The following ANO3 variants were observed in gnomAD, a reference collection of about 807,000 sequenced individuals.
The protein encoded by ANO3 is anoctamin 3.
Under a neutral mutation model 144.8 loss-of-function variants are expected in ANO3, and 99 were observed. That is an observed-to-expected ratio of 0.68 (90% CI 0.58 to 0.81). The LOEUF (loss-of-function observed/expected upper bound fraction) is 0.81. Ranked by LOEUF, ANO3 falls within the 30% of genes least tolerant of loss-of-function variation. The pLI is 0.00. For missense variants in ANO3, 905 were observed against 1,202.2 expected (o/e 0.75, Z 3.66); for synonymous variants, 414 against 392.6 (o/e 1.05, Z -0.64).
intron 12 of ANO3, among the ~76,000 whole-genome samples, chr11:26,550,831 T>C (rs1424679882): frequency 2.0e-5 from 3 of 151,920 alleles, no homozygotes; most frequent in Non-Finnish European, 4.4e-5. Context: ...TTTTTGATTT[T>C]TTGAGAAACC....
At chr11:26,383,485 A>T (rs1466187203) in intron 1 of ANO3, among the ~76,000 whole-genome samples, 1 of 133,262 alleles carries the variant, frequency 7.5e-6, no homozygotes, top group Non-Finnish European at 1.7e-5. Flanking sequence ...CTAATAATTA[A>T]ACTCACAGTA....
At chr11:26,440,334 T>C (rs560893906) in intron 1 of ANO3, among the ~76,000 whole-genome samples, 6 of 152,260 alleles carry the variant, frequency 3.9e-5, no homozygotes, top group South Asian at 2.1e-4. Flanking sequence ...TCATGTGTCA[T>C]AGAGCTTGCA....
intron 1 of ANO3, among the ~76,000 whole-genome samples, chr11:26,407,623 A>AT (rs2133981887): frequency 6.6e-6 from 1 of 151,972 alleles, no homozygotes; most frequent in Non-Finnish European, 1.5e-5. Context: ...TTTTACTCAT[A>AT]TCCTTTACAT....
At chr11:26,451,449 G>A (rs940548800) in intron 3 of ANO3, among the ~76,000 whole-genome samples, 19 of 152,312 alleles carry the variant, frequency 1.2e-4, no homozygotes, top group South Asian at 6.2e-4. Context: ...CACCTGGCTC[G>A]GAGGGTCCTA....
chr11:26,276,203 T>A (rs924225297), intron 1 of ANO3, among the ~76,000 whole-genome samples: 1 of 152,152 alleles, frequency 6.6e-6, no homozygotes, highest in Non-Finnish European at 1.5e-5. Context: ...AAAGATACCA[T>A]ACTTATTTGT....
In ANO3 at chr11:26,508,167, T is replaced by A; in HGVS notation, c.496T>A (p.Tyr166Asn). 1 of 1,602,632 alleles carries A rather than the reference T, an allele frequency of 6.2e-7. No individual in the cohort carries two copies. Among genetic ancestry groups the A allele is most frequent in the Non-Finnish European group, 8.5e-7 (1 of 1,176,636 alleles). ...LFKDGKKRID[Y>N]ILVYRKTNIQ... is the part of the protein sequence containing the mutation. ...CAAAGATGGCAAAAAGAGAATTGAT[T>A]ACATCTTGGTTTATAGAAAGACAAA... is the stretch of plus-strand genomic sequence containing the variant. The change falls in exon 5 of 27, where the codon TAC becomes AAC. Residue 166 changes from tyrosine to asparagine, a missense_variant. By Grantham distance (143) the Tyr-to-Asn change is moderately radical (BLOSUM62 -2). Around this residue, in one of 4 missense-constraint regions of ANO3, gnomAD observed 63 missense variants for 107.3 expected, o/e 0.59. Transcript: ENST00000256737.
intron 1 of ANO3, among the ~76,000 whole-genome samples, chr11:26,407,570 CTCCTATAGATTACTGAAGCA>C: frequency 6.6e-6 from 1 of 151,854 alleles, no homozygotes; most frequent in South Asian, 2.1e-4. Flanking sequence ...ATCATCTGCC[CTCCTATAGATTACTGAAGCA>C]TCCTATTTAT....
upstream of ANO3, among the ~76,000 whole-genome samples, chr11:26,306,016 T>C (rs1854371959): frequency 6.6e-6 from 1 of 152,066 alleles, no homozygotes. Flanking sequence ...TGGAGTGCAG[T>C]GGCGCGATCT....
intron 14 of ANO3, among the ~76,000 whole-genome samples, chr11:26,591,868 T>G (rs1326713673): frequency 2.0e-5 from 3 of 151,992 alleles, no homozygotes; most frequent in Non-Finnish European, 4.4e-5. Context: ...AGGGTTTGAC[T>G]TGAGCGTGAT....
chr11:26,594,250 G>T (rs936104528), intron 14 of ANO3, among the ~76,000 whole-genome samples: 2 of 152,062 alleles, frequency 1.3e-5, no homozygotes, highest in East Asian at 1.9e-4. Context: ...CCCAATGAGG[G>T]TCTACACTGG....
In ANO3 at chr11:26,221,902, G is replaced by A. The variant is rs942705864; in HGVS notation, c.154+32572G>A. Among the ~76,000 whole-genome samples, 8 of 152,118 alleles carry A rather than the reference G, an allele frequency of 5.3e-5. No individual in the cohort carries two copies. The East Asian group carries it at 5.8e-4, about 11-fold the overall frequency. The stretch of plus-strand genomic sequence containing the variant: ...GACCTAAATACCTCCCACAAGGCCC[G>A]CCTCCAACACTAGAGGTCACATTTC... On this transcript the variant is annotated intron_variant, in intron 1 of 27. Coordinates refer to the ANO3 transcript ENST00000672621.
At chr11:26,425,042 C>A (rs534140698) in intron 1 of ANO3, among the ~76,000 whole-genome samples, 1 of 151,884 alleles carries the variant, frequency 6.6e-6, no homozygotes, top group Non-Finnish European at 1.5e-5. Context: ...CCCCCCCACC[C>A]CACAAGAGGC....
chr11:26,430,052 T>G lies in ANO3; in HGVS notation c.47-11866T>G, dbSNP rs550678814. 1.9e-4 allele frequency among the ~76,000 whole-genome samples: 29 copies of G among 152,138 alleles called. No individual in the cohort carries two copies. In the South Asian group the frequency reaches 6.0e-3, roughly 32 times the overall value. On this transcript the variant is annotated intron_variant, in intron 1 of 26. Transcript: ENST00000256737. Reference sequence around the variant, plus strand: ...CAGGAGTTTGAGATCGAGAACATCCTGGCCAACATGGTGAAACCCAGTCTC... The same window carrying G: ...CAGGAGTTTGAGATCGAGAACATCCGGGCCAACATGGTGAAACCCAGTCTC...
chr11:26,305,546 T>C (rs1400575296), upstream of ANO3, among the ~76,000 whole-genome samples: 2 of 152,094 alleles, frequency 1.3e-5, no homozygotes, highest in East Asian at 3.9e-4. Context: ...ATAGCAAATT[T>C]GATAAGTGAT....
chr11:26,389,853 A>C (rs1262247881), intron 1 of ANO3, among the ~76,000 whole-genome samples: 6 of 152,142 alleles, frequency 3.9e-5, no homozygotes, highest in African/African-American at 7.2e-5. Context: ...AATTTAAAAG[A>C]AGTTTACAAT....
intron 4 of ANO3, among the ~76,000 whole-genome samples, chr11:26,507,043 G>A (rs1478976070): frequency 6.6e-6 from 1 of 152,162 alleles, no homozygotes; most frequent in African/African-American, 2.4e-5. Context: ...TAGTTTGAAG[G>A]AAAGTGGCGA....
chr11:26,632,382 G>A (rs1737686002), intron 18 of ANO3, among the ~76,000 whole-genome samples: 1 of 150,888 alleles, frequency 6.6e-6, no homozygotes, highest in Non-Finnish European at 1.5e-5. Context: ...CGGGCGTGGT[G>A]ACACCTGCCT....
At chr11:26,395,776 C>T (rs1856996611) in intron 1 of ANO3, among the ~76,000 whole-genome samples, 1 of 152,070 alleles carries the variant, frequency 6.6e-6, no homozygotes, top group Non-Finnish European at 1.5e-5. Context: ...CTTCCTTACA[C>T]CTTATACAAA....
At chr11:26,528,568 T>A (rs963393210) in intron 7 of ANO3, among the ~76,000 whole-genome samples, 6 of 152,202 alleles carry the variant, frequency 3.9e-5, no homozygotes, top group South Asian at 4.1e-4. Flanking sequence ...GTCAGCATTT[T>A]CTAAGTGTAA....
Sources: allele counts gnomAD v4.1 joint callset (sites outside exome capture counted in the v4.1 genomes callset), GRCh38; gene constraint gnomAD v4.1.1; regional missense constraint gnomAD v4.1.1; transcripts MANE v1.5; gene names NCBI Gene and HGNC (gene_info 2026-07-23, HGNC 2026-07-21).